Variants in ERCC6 observed in about 807,000 individuals in gnomAD.
The protein encoded by ERCC6 is ERCC excision repair 6, chromatin remodeling factor.
In ERCC6, 116 loss-of-function variants were observed where a neutral mutation model predicts 158.7. That is an observed-to-expected ratio of 0.73 (90% CI 0.63 to 0.85). The LOEUF (loss-of-function observed/expected upper bound fraction) is 0.85. Among genes scored for constraint, ERCC6 ranks in the 40% least tolerant of loss-of-function variants. The pLI, the probability that ERCC6 is intolerant of heterozygous loss-of-function variation, is 0.00. For missense variants in ERCC6, 1,698 were observed against 1,799.4 expected, an observed-to-expected ratio of 0.94 and a Z score of 1.02; for synonymous variants, 678 against 659.3, an observed-to-expected ratio of 1.03 and a Z score of -0.43.
chr10:49,472,806 C>T (rs1055382049), intron 15 of ERCC6, 103 bp downstream of exon 15: 48 of 1,395,186 alleles, frequency 3.4e-5, no homozygotes, highest in African/African-American at 1.0e-4. Context: ...AAATGTGAAA[C>T]GTATGCTGAA....
Position 49,532,531 on chromosome 10 carries a change from G to A in ERCC6, c.422+12C>T, listed in dbSNP as rs779761725. The A allele has an allele frequency of 6.2e-7, 1 of 1,613,074 alleles. No homozygotes were observed. The highest frequency in any genetic ancestry group is 1.7e-5 in the Admixed American group (1 of 60,016). On this transcript the variant is annotated intron_variant, in intron 2 of 20. Transcript: ENST00000355832. ...CCACCACTTTGAAAGGAAGAAGATG[G>A]GCTGCACTCACGTGAGGTCATCCAG...
At chr10:49,475,339 T>C (rs972173765) in intron 12 of ERCC6, 74 of 411,846 alleles carry the variant, frequency 1.8e-4, no homozygotes, top group Non-Finnish European at 1.1e-4. Context: ...GTTTCTCTTT[T>C]TCCTTTTTAA....
chr10:49,526,789 T>A (rs899762506), intron 4 of ERCC6, among the ~76,000 whole-genome samples: 3 of 152,160 alleles, frequency 2.0e-5, no homozygotes, highest in African/African-American at 7.2e-5. Flanking sequence ...TCAGTTCATG[T>A]CTTCAAGTGT....
At chr10:49,513,393 T>C (rs1836858132) in intron 5 of ERCC6, among the ~76,000 whole-genome samples, 2 of 152,232 alleles carry the variant, frequency 1.3e-5, no homozygotes. Flanking sequence ...CTGACAGTGA[T>C]ACTGGGTACT....
downstream of ERCC6, among the ~76,000 whole-genome samples, chr10:49,449,878 T>C (rs1378543604): frequency 6.6e-6 from 1 of 151,668 alleles, no homozygotes; most frequent in Non-Finnish European, 1.5e-5. Flanking sequence ...TTGTTTTCTT[T>C]TTTCTTTTTT....
intron 7 of ERCC6, among the ~76,000 whole-genome samples, chr10:49,494,246 G>A (rs1174784663): frequency 6.6e-6 from 1 of 152,084 alleles, no homozygotes; most frequent in East Asian, 1.9e-4. Context: ...TTTCAAATGG[G>A]AATAATAACA....
At chr10:49,515,291 G>GTT in intron 5 of ERCC6, 1 of 1,568,010 alleles carries the variant, frequency 6.4e-7, no homozygotes, top group Non-Finnish European at 8.6e-7. Flanking sequence ...TGTACATAAT[G>GTT]TATAAAACTA....
At chr10:49,498,127 A>C (rs1021903807) in intron 7 of ERCC6, among the ~76,000 whole-genome samples, 6 of 152,214 alleles carry the variant, frequency 3.9e-5, no homozygotes, top group Non-Finnish European at 8.8e-5. Flanking sequence ...ACCATAAGCA[A>C]TATGTTTCTC....
At chr10:49,482,924 C>A (rs1435147644) in intron 9 of ERCC6, 61 bp from the exon 10 acceptor site, 1 of 1,553,920 alleles carries the variant, frequency 6.4e-7, no homozygotes, top group African/African-American at 1.4e-5. Flanking sequence ...GCCATTCCTA[C>A]CCTAAAACGC....
chr10:49,516,038 T>G (rs1216557169), intron 5 of ERCC6: 8 of 1,614,152 alleles, frequency 5.0e-6, no homozygotes, highest in Admixed American at 1.7e-5. Context: ...TATCAAGAAG[T>G]GCAATACTGG....
chr10:49,503,171 G>A (rs1306439608), intron 6 of ERCC6: 1 of 152,148 alleles, frequency 6.6e-6, no homozygotes, highest in African/African-American at 2.4e-5. Flanking sequence ...CTAAAGTAGG[G>A]AGAGTGCGGA....
chr10:49,477,624 C>G (rs1161698268), intron 11 of ERCC6, among the ~76,000 whole-genome samples: 1 of 152,114 alleles, frequency 6.6e-6, no homozygotes, highest in Non-Finnish European at 1.5e-5. Flanking sequence ...TGTTCATGCA[C>G]CTGTCTGTGC....
At position 49,472,603 on chromosome 10, in the gene ERCC6, C is replaced by T. The variant is rs1850800912; in HGVS notation, c.2830-133G>A. 4 of 903,296 alleles carry T rather than the reference C, an allele frequency of 4.4e-6. No individual in the cohort carries two copies. The Admixed American group carries it at 5.8e-5, about 13-fold the overall frequency. The allele number at this position is 903,296 out of a possible 1,614,324, so 56.0% of individuals were successfully genotyped here. ...ATTTTGACTCATGACGTCAAGTACA[C>T]CTAAGGCCTACTCAGGAAGATGAAC... is the stretch of plus-strand genomic sequence containing the variant. On this transcript the variant is annotated intron_variant, in intron 15 of 20. Coordinates refer to ENST00000355832, the MANE Select transcript of ERCC6 (RefSeq NM_000124.4).
chr10:49,505,780 AG>A, intron 6 of ERCC6, 103 bp downstream of exon 6: 1 of 1,374,978 alleles, frequency 7.3e-7, no homozygotes, highest in East Asian at 2.4e-5. Context: ...AATTGCTGCA[AG>A]TACCTTCAGG....
rs1207499036 is a variant in ERCC6, at chr10:49,516,309, A to G, written c.1397+7724T>C. 1.7e-5 allele frequency: 27 copies of G among 1,614,032 alleles called. No homozygotes were observed. Among genetic ancestry groups the G allele is most frequent in the African/African-American group, 2.7e-5 (2 of 74,908 alleles). On this transcript the variant is annotated intron_variant, in intron 5 of 20. Coordinates refer to ENST00000355832, the MANE Select transcript of ERCC6 (RefSeq NM_000124.4). The stretch of plus-strand genomic sequence containing the variant: ...AAAATAAGGAACCATGAATTCATCA[A>G]AGCTGAAATATGTTTCATTTGGAAC...
intron 15 of ERCC6, 30 bp from the exon 16 acceptor site, chr10:49,472,500 G>A (rs776019768): frequency 1.3e-5 from 21 of 1,599,790 alleles, no homozygotes; most frequent in Admixed American, 3.3e-5. Flanking sequence ...ACCTCTCAAC[G>A]AGAATCCTTC....
At chr10:49,528,612 TA>T (rs1837397032) in intron 3 of ERCC6, 87 bp from the exon 4 acceptor site, 1 of 1,482,176 alleles carries the variant, frequency 6.7e-7, no homozygotes, top group African/African-American at 1.4e-5. Flanking sequence ...ATTTTAAACT[TA>T]AATCCAAAGT....
At position 49,517,065 on chromosome 10, in the gene ERCC6, T is replaced by A. The variant is rs1284258607; in HGVS notation, c.1397+6968A>T. 6.2e-7 allele frequency: 1 copy of A among 1,611,106 alleles called. No homozygotes were observed. The highest frequency in any genetic ancestry group is 8.5e-7 in the Non-Finnish European group (1 of 1,177,496). ...TATAGCACTTGCTTCTATGCTGTCA[T>A]CTGTCTCTAAAAGGTCAGTTATTTC... On this transcript the variant is annotated intron_variant, in intron 5 of 20. Coordinates refer to ENST00000355832, the MANE Select transcript of ERCC6 (RefSeq NM_000124.4).
chr10:49,511,325 G>A (rs1173498122), intron 5 of ERCC6, among the ~76,000 whole-genome samples: 1 of 152,102 alleles, frequency 6.6e-6, no homozygotes, highest in Non-Finnish European at 1.5e-5. Context: ...GAAGGAAATA[G>A]TGTTTTTGAT....
Sources: gnomAD v4.1 joint callset for allele counts (sites outside exome capture counted in the v4.1 genomes callset) on GRCh38, gnomAD v4.1.1 for gene constraint, MANE v1.5 for transcripts, NCBI Gene and HGNC (gene_info 2026-07-23, HGNC 2026-07-21) for gene names.